Variants in NME7 observed in about 807,000 individuals in gnomAD.
The protein encoded by NME7 is NME/NM23 family member 7.
NME7 carries 41 observed loss-of-function variants against 49.1 expected under a neutral mutation model. The observed-to-expected ratio is 0.83, with a 90% CI of 0.65 to 1.08. The LOEUF is 1.08. Among genes scored for constraint, NME7 ranks in the 50% least tolerant of loss-of-function variants. The pLI is 0.00. For synonymous variants in NME7, 139 were observed against 150.6 expected, an observed-to-expected ratio of 0.92 and a Z score of 0.56; for missense variants, 423 against 463.4, an observed-to-expected ratio of 0.91 and a Z score of 0.80.
At chr1:169,291,646 T>TACA (rs1650507749) in intron 6 of NME7, among the ~76,000 whole-genome samples, 1 of 149,400 alleles carries the variant, frequency 6.7e-6, no homozygotes, top group South Asian at 2.1e-4. Flanking sequence ...GAACTTAAAG[T>TACA]ATAATAATAA....
intron 7 of NME7, chr1:169,246,993 T>C (rs1010842838): frequency 8.8e-6 from 4 of 454,722 alleles, no homozygotes; most frequent in African/African-American, 6.0e-5. Context: ...CATACCATCA[T>C]AGGGACAGCA....
intron 7 of NME7, among the ~76,000 whole-genome samples, chr1:169,252,413 T>C (rs956676732): frequency 7.9e-5 from 12 of 152,022 alleles, no homozygotes; most frequent in African/African-American, 2.9e-4. Flanking sequence ...GGGTTGTTTG[T>C]TTTTTTCTTA....
intron 10 of NME7, among the ~76,000 whole-genome samples, chr1:169,194,883 T>C (rs1184312101): frequency 6.6e-6 from 1 of 152,174 alleles, no homozygotes; most frequent in African/African-American, 2.4e-5. Context: ...AGTTTCATGA[T>C]TGGTTACTGA....
intron 10 of NME7, among the ~76,000 whole-genome samples, chr1:169,178,781 G>A (rs372496107): frequency 3.4e-5 from 5 of 148,992 alleles, no homozygotes; most frequent in African/African-American, 9.9e-5. Context: ...TCCCTCCAAA[G>A]TCACCTATAA....
intron 7 of NME7, among the ~76,000 whole-genome samples, chr1:169,245,163 G>A (rs1648257972): frequency 6.6e-6 from 1 of 151,844 alleles, no homozygotes; most frequent in Non-Finnish European, 1.5e-5. Context: ...CAAATAAACA[G>A]AAAATCATAG....
intron 7 of NME7, among the ~76,000 whole-genome samples, chr1:169,241,525 CTTCAATCAATATGAAAAGAAATTTATAA>C (rs1264265249): frequency 6.6e-6 from 1 of 151,910 alleles, no homozygotes; most frequent in Non-Finnish European, 1.5e-5. Context: ...AAACACTATG[CTTCAATCAATATGAAAAGAAATTTATAA>C]TCTATATCTA....
chr1:169,250,833 G>A (rs919006987), intron 7 of NME7, among the ~76,000 whole-genome samples: 3 of 152,036 alleles, frequency 2.0e-5, no homozygotes, highest in Non-Finnish European at 2.9e-5. Flanking sequence ...TGTGGTCTGA[G>A]AAGATACCTG....
intron 10 of NME7, among the ~76,000 whole-genome samples, chr1:169,175,208 T>C (rs1229399081): frequency 6.6e-6 from 1 of 152,058 alleles, no homozygotes; most frequent in Non-Finnish European, 1.5e-5. Flanking sequence ...GTCAGAATCA[T>C]CAAAATCACT....
rs550868422 is a variant in NME7 at position 169,280,814 on chromosome 1, A to G, written c.754+6489T>C. Among the ~76,000 whole-genome samples the G allele has an allele frequency of 7.2e-4, 106 of 148,114 alleles. 2 individuals carry two copies. Among genetic ancestry groups the G allele is most frequent in the Non-Finnish European group, 9.0e-4 (61 of 67,946 alleles). On this transcript the variant is annotated intron_variant, in intron 7 of 11. Transcript: ENST00000367811. ...CCTACATTCTGTTCCTTTTGTCTACATATCTGTTTTGGTATAAGTACCATG... is the reference window on the plus strand; with the variant it reads ...CCTACATTCTGTTCCTTTTGTCTACGTATCTGTTTTGGTATAAGTACCATG...
At chr1:169,325,768 G>A (rs989565320) in intron 1 of NME7, among the ~76,000 whole-genome samples, 4 of 152,026 alleles carry the variant, frequency 2.6e-5, no homozygotes, top group East Asian at 1.9e-4. Flanking sequence ...AAACTATAAC[G>A]TAGATGACAC....
rs1172675012 is a variant in NME7 at position 169,275,347 on chromosome 1, C to T, written c.754+11956G>A. Among the ~76,000 whole-genome samples, 20 of 128,764 alleles carry T rather than the reference C, an allele frequency of 1.6e-4. 5 individuals carry two copies. The highest frequency in any genetic ancestry group is 4.9e-4 in the South Asian group (2 of 4,102). The allele number at this position is 128,764 out of a possible 152,430, so 84.5% of individuals were successfully genotyped here. On this transcript the variant is annotated intron_variant, in intron 7 of 11. Coordinates refer to ENST00000367811, the MANE Select transcript of NME7 (RefSeq NM_013330.5). Reference sequence around the variant, plus strand: ...TACAAAAATTAGCCGGGCATGGTGGCGCGTGCCTGTAGTCCCAGCTACACA... The same window carrying T: ...TACAAAAATTAGCCGGGCATGGTGGTGCGTGCCTGTAGTCCCAGCTACACA...
At chr1:169,340,782 C>T (rs575601963) in intron 1 of NME7, among the ~76,000 whole-genome samples, 1 of 152,304 alleles carries the variant, frequency 6.6e-6, no homozygotes, top group East Asian at 1.9e-4. Context: ...TTTGCCTCTG[C>T]CTTAGAGATC....
At chr1:169,227,599 A>T (rs1647399982) in intron 10 of NME7, among the ~76,000 whole-genome samples, 1 of 152,186 alleles carries the variant, frequency 6.6e-6, no homozygotes, top group Admixed American at 6.5e-5. Context: ...TCATAACATG[A>T]TGCATGATAT....
intron 1 of NME7, among the ~76,000 whole-genome samples, chr1:169,364,336 C>A (rs1027998420): frequency 1.2e-5 from 1 of 86,544 alleles, no homozygotes; most frequent in African/African-American, 3.6e-5. Flanking sequence ...GAACAATCAA[C>A]CTCTTTTTCT....
intron 1 of NME7, among the ~76,000 whole-genome samples, chr1:169,331,991 C>T (rs1400005801): frequency 6.6e-6 from 1 of 151,924 alleles, no homozygotes. Context: ...TATGGAACCA[C>T]AAAAAACTCA....
intron 1 of NME7, among the ~76,000 whole-genome samples, chr1:169,335,262 T>C (rs1250923878): frequency 6.6e-6 from 1 of 152,196 alleles, no homozygotes; most frequent in Non-Finnish European, 1.5e-5. Flanking sequence ...TGCACACATA[T>C]GTTTTCTGCA....
chr1:169,313,590 T>C (rs1186227491), intron 3 of NME7, among the ~76,000 whole-genome samples: 1 of 152,094 alleles, frequency 6.6e-6, no homozygotes, highest in Non-Finnish European at 1.5e-5. Context: ...CATATGAAAA[T>C]GCATATCTCA....
chr1:169,207,860 T>C (rs950744822), intron 10 of NME7, among the ~76,000 whole-genome samples: 1 of 152,068 alleles, frequency 6.6e-6, no homozygotes, highest in African/African-American at 2.4e-5. Flanking sequence ...AGGCTAGATT[T>C]ATGGAGTCCT....
intron 1 of NME7, among the ~76,000 whole-genome samples, chr1:169,354,886 TAATG>T (rs1653329255): frequency 7.9e-6 from 1 of 126,726 alleles, no homozygotes; most frequent in African/African-American, 2.9e-5. Flanking sequence ...TAATAATATA[TAATG>T]AATATAATAT....
Sources: gnomAD v4.1 joint callset for allele counts (sites outside exome capture counted in the v4.1 genomes callset) on GRCh38, gnomAD v4.1.1 for gene constraint, MANE v1.5 for transcripts, NCBI Gene and HGNC (gene_info 2026-07-23, HGNC 2026-07-21) for gene names.